Variants in MDGA2 observed in about 807,000 individuals in gnomAD.
The protein encoded by MDGA2 is MAM domain-containing glycosylphosphatidylinositol anchor protein 2.
In MDGA2, 40 loss-of-function variants were observed where a neutral mutation model predicts 117.8. That is an observed-to-expected ratio of 0.34 (90% CI 0.26 to 0.44). MDGA2 has a LOEUF of 0.44. Among genes scored for constraint, MDGA2 ranks in the 20% least tolerant of loss-of-function variants. The pLI is 1.00. For synonymous variants in MDGA2, 452 were observed against 439.0 expected (o/e 1.03, Z -0.37); for missense variants, 1,123 against 1,250.6 (o/e 0.90, Z 1.54).
At chr14:47,281,138 A>G (rs1888475760) in intron 2 of MDGA2, among the ~76,000 whole-genome samples, 2 of 150,536 alleles carry the variant, frequency 1.3e-5, no homozygotes, top group African/African-American at 2.4e-5. Context: ...GAAATAACCA[A>G]TATAGTTTAA....
intron 8 of MDGA2, among the ~76,000 whole-genome samples, chr14:46,966,001 A>G (rs1379654524): frequency 6.6e-6 from 1 of 152,042 alleles, no homozygotes; most frequent in Non-Finnish European, 1.5e-5. Context: ...TTATTATATT[A>G]TACAAGTTTT....
At chr14:46,842,053 A>T in intron 16 of MDGA2, 34 bp from the exon 17 acceptor site, 1 of 1,488,172 alleles carries the variant, frequency 6.7e-7, no homozygotes, top group South Asian at 1.1e-5. Flanking sequence ...AAACAAAAAA[A>T]GAAGAATAAT....
At chr14:47,308,066 AG>A (rs1322566166) in intron 1 of MDGA2, among the ~76,000 whole-genome samples, 2 of 152,134 alleles carry the variant, frequency 1.3e-5, no homozygotes, top group African/African-American at 4.8e-5. Context: ...TGGAGTTGTC[AG>A]TTAGGAGCAG....
At chr14:47,464,505 T>C (rs1044026047) in intron 1 of MDGA2, among the ~76,000 whole-genome samples, 4 of 151,942 alleles carry the variant, frequency 2.6e-5, no homozygotes, top group African/African-American at 9.7e-5. Context: ...AAAATCAATG[T>C]ATAAAAATCA....
In MDGA2 at chr14:47,205,160, A is replaced by G. The variant is rs890393655; in HGVS notation, c.595+12861T>C. ...TATGTGTATATATATGTGCATATGT[A>G]TGCATATATATGTAGCCCCATTCTC... On this transcript the variant is annotated intron_variant, in intron 3 of 16. Coordinates refer to ENST00000399232, the MANE Select transcript of MDGA2 (RefSeq NM_001113498.3). Among the ~76,000 whole-genome samples, 17 of 152,014 alleles carry G rather than the reference A, an allele frequency of 1.1e-4. No individual in the cohort carries two copies. The East Asian group carries it at 2.1e-3, about 19-fold the overall frequency.
At chr14:47,432,876 T>G (rs1892826520) in intron 1 of MDGA2, among the ~76,000 whole-genome samples, 1 of 152,070 alleles carries the variant, frequency 6.6e-6, no homozygotes, top group Non-Finnish European at 1.5e-5. Context: ...GAAGAATAAT[T>G]AGTTTAGAAG....
At position 47,136,300 on chromosome 14, in the gene MDGA2, G is replaced by A. The variant is rs566079779; in HGVS notation, c.793-4454C>T. Among the ~76,000 whole-genome samples the A allele has an allele frequency of 2.0e-5, 3 of 150,892 alleles. No homozygotes were observed. In the South Asian group the frequency reaches 6.3e-4, roughly 32 times the overall value. On this transcript the variant is annotated intron_variant, in intron 4 of 16. Transcript: ENST00000399232. ...TGAAACTCTGCCTCCAGGTTCAAGC[G>A]ATTCCCATGCTTCAGCCTCCCAAGT...
At chr14:47,519,345 A>G (rs1894821308) in intron 1 of MDGA2, among the ~76,000 whole-genome samples, 1 of 152,140 alleles carries the variant, frequency 6.6e-6, no homozygotes, top group Non-Finnish European at 1.5e-5. Context: ...TTGTTTCTCC[A>G]CAGTTCTCTT....
intron 1 of MDGA2, among the ~76,000 whole-genome samples, chr14:47,602,341 C>T (rs1896663739): frequency 6.6e-6 from 1 of 152,058 alleles, no homozygotes; most frequent in Non-Finnish European, 1.5e-5. Context: ...ATGCCTGCTT[C>T]CAGATCATGG....
chr14:47,144,737 C>T (rs886951051), intron 3 of MDGA2, among the ~76,000 whole-genome samples: 35 of 151,904 alleles, frequency 2.3e-4, no homozygotes, highest in Non-Finnish European at 4.9e-4. Context: ...CAGCCTCAAC[C>T]TCCTGAACCC....
At position 47,514,569 on chromosome 14, in the gene MDGA2, A is replaced by G. The variant is rs1271426872; in HGVS notation, c.280+159948T>C. Among the ~76,000 whole-genome samples the G allele has an allele frequency of 2.6e-5, 4 of 152,136 alleles. No individual in the cohort carries two copies. In the East Asian group the frequency reaches 7.7e-4, roughly 29 times the overall value. ...CCCTGGGACTAGAATGATACCCAGTAATTCTACCATCAGTATACTTCCATT... is the reference window on the plus strand; with the variant it reads ...CCCTGGGACTAGAATGATACCCAGTGATTCTACCATCAGTATACTTCCATT... On this transcript the variant is annotated intron_variant, in intron 1 of 16. Coordinates refer to ENST00000399232, the MANE Select transcript of MDGA2 (RefSeq NM_001113498.3).
intron 1 of MDGA2, among the ~76,000 whole-genome samples, chr14:47,470,124 T>A (rs1468882348): frequency 6.6e-6 from 1 of 151,874 alleles, no homozygotes; most frequent in Non-Finnish European, 1.5e-5. Context: ...ATTTTTATTT[T>A]TTTTTTGATG....
intron 1 of MDGA2, among the ~76,000 whole-genome samples, chr14:47,508,498 C>T (rs1181965394): frequency 3.9e-5 from 6 of 151,996 alleles, no homozygotes; most frequent in Non-Finnish European, 8.8e-5. Context: ...AACAAAGTCT[C>T]CACGTATAAG....
intron 2 of MDGA2, among the ~76,000 whole-genome samples, chr14:47,274,984 T>C (rs1423483176): frequency 6.6e-6 from 1 of 152,096 alleles, no homozygotes; most frequent in East Asian, 1.9e-4. Context: ...ATATATGATT[T>C]ACAAATACCT....
intron 6 of MDGA2, among the ~76,000 whole-genome samples, chr14:47,091,539 C>T (rs7147064): frequency 6.6e-6 from 1 of 151,742 alleles, no homozygotes; most frequent in South Asian, 2.1e-4. Context: ...AAGACCAATG[C>T]GTCTAAAGTA....
intron 1 of MDGA2, among the ~76,000 whole-genome samples, chr14:47,325,223 T>C (rs1423609412): frequency 1.3e-5 from 2 of 152,128 alleles, no homozygotes; most frequent in Non-Finnish European, 2.9e-5. Flanking sequence ...GAAACTGAAA[T>C]AGAAAATTCA....
At chr14:47,037,635 C>G (rs765992917) in intron 7 of MDGA2, among the ~76,000 whole-genome samples, 1 of 152,050 alleles carries the variant, frequency 6.6e-6, no homozygotes, top group African/African-American at 2.4e-5. Context: ...TTATTGATTT[C>G]TTTAGTCATT....
chr14:46,880,402 C>G (rs1258768879), intron 11 of MDGA2, among the ~76,000 whole-genome samples: 1 of 151,962 alleles, frequency 6.6e-6, no homozygotes, highest in Admixed American at 6.6e-5. Flanking sequence ...ATGATTCATT[C>G]AAACCTGAAA....
At chr14:47,436,527 G>A (rs986382001) in intron 1 of MDGA2, among the ~76,000 whole-genome samples, 2 of 151,986 alleles carry the variant, frequency 1.3e-5, no homozygotes, top group Non-Finnish European at 2.9e-5. Context: ...CTCTCTGGGT[G>A]AACACAACAT....
Sources: gnomAD v4.1 joint callset for allele counts (sites outside exome capture counted in the v4.1 genomes callset) on GRCh38, gnomAD v4.1.1 for gene constraint, MANE v1.5 for transcripts, NCBI Gene and HGNC (gene_info 2026-07-23, HGNC 2026-07-21) for gene names.